Variants in SAA2 observed in about 807,000 individuals in gnomAD.
SAA2 encodes serum amyloid A2.
SAA2 carries 5 observed loss-of-function variants against 9.1 expected under a neutral mutation model. That is an observed-to-expected ratio of 0.55 (90% CI 0.29 to 1.16). SAA2 has a LOEUF of 1.16. Ranked by LOEUF, SAA2 falls within the 50% of genes most tolerant of loss-of-function variation. The pLI is 0.09. For missense variants in SAA2, 94 were observed against 153.8 expected (o/e 0.61, Z 2.06); for synonymous variants, 49 against 59.8 (o/e 0.82, Z 0.83).
downstream of SAA2, among the ~76,000 whole-genome samples, chr11:18,244,105 C>A (rs1857428651): frequency 6.6e-6 from 1 of 152,250 alleles, no homozygotes; most frequent in Non-Finnish European, 1.5e-5. Flanking sequence ...AGTTTCCTGA[C>A]AATTTCTGTG....
downstream of SAA2, among the ~76,000 whole-genome samples, chr11:18,244,634 T>A (rs920232636): frequency 3.9e-5 from 6 of 152,216 alleles, no homozygotes; most frequent in Non-Finnish European, 8.8e-5. Context: ...ATAAAACAGT[T>A]CTTCTCTATC....
At position 18,245,256 on chromosome 11, in the gene SAA2, T is replaced by A; in HGVS notation, c.*121A>T. 1 of 1,509,922 alleles carries A rather than the reference T, an allele frequency of 6.6e-7. No individual in the cohort carries two copies. The highest frequency in any genetic ancestry group is 8.9e-7 in the Non-Finnish European group (1 of 1,128,750). 93.5% of individuals were successfully genotyped at this position (1,509,922 alleles called of 1,614,324 possible). A position where few individuals can be genotyped will look rare whatever the true frequency, so the allele number is the denominator to read the frequency against. On this transcript the variant is annotated 3_prime_UTR_variant, in exon 4 of 4. Transcript: ENST00000256733. ...TTCAACAAATTCCACCTCTTAAGCA[T>A]TTATTAGATGCCTATTATATGCCAT...
At chr11:18,239,710 C>T (rs1188377485) in exon 4 of SAA2, 1 of 443,574 alleles carries the variant, frequency 2.3e-6, no homozygotes, top group Non-Finnish European at 4.0e-6. Context: ...CCTTCTCAGT[C>T]TGTTTTGCTG....
At chr11:18,244,229 A>G (rs1857432841), downstream of SAA2, among the ~76,000 whole-genome samples, 1 of 152,214 alleles carries the variant, frequency 6.6e-6, no homozygotes. Flanking sequence ...CAACATATAC[A>G]TTTTGGCAAG....
Position 18,245,386 on chromosome 11 carries a change from C to T in SAA2, c.360G>A (p.Glu120=). The T allele has an allele frequency of 3.7e-6, 6 of 1,614,224 alleles. No homozygotes were observed. Among genetic ancestry groups the T allele is most frequent in the Non-Finnish European group, 5.1e-6 (6 of 1,180,044 alleles). ...PNHFRPAGLP[E]KY ...AGAGTGAAGAGGAAGCTCAGTATTTCTCAGGCAGGCCAGCAGGTCGGAAGT... is the reference window on the plus strand; with the variant it reads ...AGAGTGAAGAGGAAGCTCAGTATTTTTCAGGCAGGCCAGCAGGTCGGAAGT... The change falls in exon 4 of 4, where the codon GAG becomes GAA. Residue 120 remains glutamate (E), a synonymous_variant. Transcript: ENST00000256733.
At chr11:18,243,900 A>G (rs1411841743), downstream of SAA2, among the ~76,000 whole-genome samples, 1 of 152,000 alleles carries the variant, frequency 6.6e-6, no homozygotes, top group East Asian at 1.9e-4. Flanking sequence ...CCCTGTGAAC[A>G]TTTCTCCTTT....
intron 2 of SAA2, among the ~76,000 whole-genome samples, chr11:18,247,321 C>T (rs1297254907): frequency 5.3e-5 from 8 of 149,904 alleles, no homozygotes; most frequent in African/African-American, 1.7e-4. Flanking sequence ...ACTAGGAAAT[C>T]GAAGGAGGAA....
chr11:18,239,766 C>T (rs934575493), exon 4 of SAA2: 3 of 631,114 alleles, frequency 4.8e-6, no homozygotes, highest in Non-Finnish European at 7.6e-6. Flanking sequence ...AGACACCACA[C>T]TGAGCCTTCA....
downstream of SAA2, among the ~76,000 whole-genome samples, chr11:18,244,190 T>C (rs2134139057): frequency 6.6e-6 from 1 of 152,330 alleles, no homozygotes; most frequent in South Asian, 2.1e-4. Flanking sequence ...TGTAACAAAA[T>C]AGTACAGCCA....
intron 2 of SAA2, among the ~76,000 whole-genome samples, chr11:18,246,503 C>T (rs1857545885): frequency 6.6e-6 from 1 of 152,216 alleles, no homozygotes; most frequent in Non-Finnish European, 1.5e-5. Flanking sequence ...AGCAATAGAG[C>T]AGCGGTTCTC....
At chr11:18,243,044 T>C (rs927774227), downstream of SAA2, among the ~76,000 whole-genome samples, 1 of 152,224 alleles carries the variant, frequency 6.6e-6, no homozygotes, top group Admixed American at 6.5e-5. Flanking sequence ...ACCAAGCACC[T>C]TTTTCCTTGG....
chr11:18,242,754 G>T, downstream of SAA2: 1 of 700,206 alleles, frequency 1.4e-6, no homozygotes, highest in South Asian at 1.5e-5. Context: ...GCTGAAGTGG[G>T]AGGATCTCTT....
intron 3 of SAA2, chr11:18,240,081 A>T: frequency 7.1e-7 from 1 of 1,406,610 alleles, no homozygotes; most frequent in Non-Finnish European, 9.7e-7. Flanking sequence ...ACCGGTGATT[A>T]TATACTATTC....
chr11:18,240,009 C>G (rs769369776), intron 3 of SAA2: 4 of 1,548,886 alleles, frequency 2.6e-6, no homozygotes. Context: ...GTCATATACA[C>G]GTATTTTAAC....
chr11:18,238,806 TC>T (rs919363293), downstream of SAA2, among the ~76,000 whole-genome samples: 3 of 142,546 alleles, frequency 2.1e-5, no homozygotes, highest in Non-Finnish European at 4.6e-5. Context: ...CTCCCCTCAC[TC>T]CCCCCCTCCC....
chr11:18,242,823 G>T (rs1372149845), downstream of SAA2: 4 of 701,666 alleles, frequency 5.7e-6, no homozygotes, highest in Non-Finnish European at 1.0e-5. Context: ...CTTCAGCCTG[G>T]ATGAAAGAGG....
downstream of SAA2, chr11:18,242,702 C>T (rs868814584): frequency 1.9e-5 from 13 of 677,336 alleles, no homozygotes; most frequent in Middle Eastern, 1.1e-3. Flanking sequence ...AAAAATTAGG[C>T]AAGTGTCATG....
chr11:18,242,690 A>G (rs1263015669), downstream of SAA2: 1 of 669,466 alleles, frequency 1.5e-6, no homozygotes, highest in East Asian at 2.8e-5. Context: ...TACAAAAAAT[A>G]TAAAAATTAG....
At chr11:18,239,441 C>T in exon 4 of SAA2, 1 of 358,320 alleles carries the variant, frequency 2.8e-6, no homozygotes, top group Non-Finnish European at 5.0e-6. Flanking sequence ...ACCTTCTTGT[C>T]TGTGGTGTTT....
Sources: gnomAD v4.1 joint callset for allele counts (sites outside exome capture counted in the v4.1 genomes callset) on GRCh38, gnomAD v4.1.1 for gene constraint, MANE v1.5 for transcripts, NCBI Gene and HGNC (gene_info 2026-07-23, HGNC 2026-07-21) for gene names.